Variants in MEI4 observed in about 807,000 individuals in gnomAD.
MEI4 encodes the protein meiosis-specific protein MEI4.
In MEI4, 27 loss-of-function variants were observed where a neutral mutation model predicts 31.4. The observed-to-expected ratio is 0.86, with a 90% confidence interval of 0.63 to 1.19. The LOEUF is 1.19. Ranked by LOEUF, MEI4 falls within the 50% of genes most tolerant of loss-of-function variation. The probability of loss-of-function intolerance (pLI) is 0.00; values close to 1 mark genes in which losing one functional copy is unlikely to be tolerated. For missense variants in MEI4, 329 were observed against 398.9 expected, an observed-to-expected ratio of 0.82 and a Z score of 1.49; for synonymous variants, 122 against 145.4, an observed-to-expected ratio of 0.84 and a Z score of 1.16.
intron 1 of MEI4, among the ~76,000 whole-genome samples, chr6:77,687,583 G>A (rs950280768): frequency 2.6e-5 from 4 of 152,124 alleles, no homozygotes; most frequent in East Asian, 1.9e-4. Flanking sequence ...TACTGGGCCC[G>A]TAGGTTACTT....
chr6:77,842,642 G>T (rs758630436), intron 4 of MEI4, among the ~76,000 whole-genome samples: 1 of 151,984 alleles, frequency 6.6e-6, no homozygotes, highest in Non-Finnish European at 1.5e-5. Context: ...TTGGTAATTT[G>T]TATCTTTCCC....
At chr6:77,858,776 T>C (rs1055231834) in intron 4 of MEI4, among the ~76,000 whole-genome samples, 1 of 151,638 alleles carries the variant, frequency 6.6e-6, no homozygotes, top group Non-Finnish European at 1.5e-5. Flanking sequence ...TTTTAATGAG[T>C]TTCTATACAG....
intron 4 of MEI4, among the ~76,000 whole-genome samples, chr6:77,881,757 A>AGT (rs1424868470): frequency 7.2e-5 from 11 of 152,230 alleles, no homozygotes; most frequent in African/African-American, 2.7e-4. Context: ...CTTAGACATC[A>AGT]AGGGGTAGCT....
intron 3 of MEI4, among the ~76,000 whole-genome samples, chr6:77,777,411 G>A (rs978295835): frequency 2.6e-5 from 4 of 152,136 alleles, no homozygotes; most frequent in Non-Finnish European, 4.4e-5. Context: ...ATGTGCTTTG[G>A]AAGCACTTAG....
rs1769200030 is a variant in MEI4 at position 77,799,935 on chromosome 6, T to A, written c.769-28996T>A. On this transcript the variant is annotated intron_variant, in intron 3 of 4. Coordinates refer to ENST00000684080, the MANE Select transcript of MEI4 (RefSeq NM_001322247.2). ...ATTTGAAGTCAGGTAGTGTGATGCC[T>A]CCAGCTCTGTTCTTTTGGCTTAGGA... Among the ~76,000 whole-genome samples, 4 of 152,320 alleles carry A rather than the reference T, an allele frequency of 2.6e-5. No individual in the cohort carries two copies. The South Asian group carries it at 8.3e-4, about 32-fold the overall frequency.
chr6:77,722,591 G>A (rs1343034751), intron 2 of MEI4, among the ~76,000 whole-genome samples: 4 of 146,852 alleles, frequency 2.7e-5, no homozygotes, highest in African/African-American at 7.6e-5. Context: ...TGACTCGTGG[G>A]GCTATATAAT....
chr6:77,741,820 C>T (rs1316148394), intron 2 of MEI4, among the ~76,000 whole-genome samples: 1 of 134,346 alleles, frequency 7.4e-6, no homozygotes, highest in Non-Finnish European at 1.5e-5. Flanking sequence ...CTTCCTGTGT[C>T]CATGTGTTCT....
intron 3 of MEI4, among the ~76,000 whole-genome samples, chr6:77,825,793 GTCTC>G (rs1333676392): frequency 6.6e-6 from 1 of 152,100 alleles, no homozygotes; most frequent in Non-Finnish European, 1.5e-5. Flanking sequence ...CACAGTATCT[GTCTC>G]TCTGGCTATT....
intron 1 of MEI4, among the ~76,000 whole-genome samples, chr6:77,657,957 CCATGTGGAGA>C (rs1768427917): frequency 6.6e-6 from 1 of 152,212 alleles, no homozygotes; most frequent in Non-Finnish European, 1.5e-5. Flanking sequence ...ATAGTCAGGT[CCATGTGGAGA>C]CACAGGATTT....
At chr6:77,816,213 C>T (rs946512873) in intron 3 of MEI4, among the ~76,000 whole-genome samples, 4 of 152,094 alleles carry the variant, frequency 2.6e-5, no homozygotes, top group East Asian at 1.9e-4. Context: ...ATACTGTCTA[C>T]TCAAATTATA....
intron 4 of MEI4, among the ~76,000 whole-genome samples, chr6:77,868,242 C>CAA (rs35228781): frequency 6.4e-4 from 94 of 146,702 alleles, no homozygotes; most frequent in African/African-American, 1.4e-3. Flanking sequence ...AAATTAAAAG[C>CAA]AAAAAAAAAT....
At chr6:77,742,699 C>T (rs1385843548) in intron 2 of MEI4, among the ~76,000 whole-genome samples, 1 of 152,140 alleles carries the variant, frequency 6.6e-6, no homozygotes, top group African/African-American at 2.4e-5. Context: ...CTTGCCCATG[C>T]CTGTGTCCTG....
intron 3 of MEI4, among the ~76,000 whole-genome samples, chr6:77,822,649 T>C (rs1195911392): frequency 7.1e-6 from 1 of 139,968 alleles, no homozygotes; most frequent in Non-Finnish European, 1.5e-5. Flanking sequence ...AGACAGAGTC[T>C]CACTATGTCA....
chr6:77,787,062 T>A lies in MEI4; in HGVS notation c.768+25397T>A, dbSNP rs142219436. Among the ~76,000 whole-genome samples, 511 of 152,240 alleles carry A rather than the reference T, an allele frequency of 3.4e-3. 2 individuals carry two copies. Among genetic ancestry groups the A allele is most frequent in the African/African-American group, 0.012 (498 of 41,560 alleles). On this transcript the variant is annotated intron_variant, in intron 3 of 4. Coordinates refer to ENST00000684080, the MANE Select transcript of MEI4 (RefSeq NM_001322247.2). The stretch of plus-strand genomic sequence containing the variant: ...TTTTGGCTCCAGCCCTTCTCAGATG[T>A]ACCCTGAGAGAAGTTCTGCTTACCC...
At chr6:77,756,752 G>C (rs1465577351) in intron 2 of MEI4, among the ~76,000 whole-genome samples, 1 of 151,354 alleles carries the variant, frequency 6.6e-6, no homozygotes, top group African/African-American at 2.4e-5. Flanking sequence ...AATTGTTGTG[G>C]TTTGGTATAA....
chr6:77,920,735 G>T (rs1284705517), intron 4 of MEI4, among the ~76,000 whole-genome samples: 1 of 151,870 alleles, frequency 6.6e-6, no homozygotes, highest in Non-Finnish European at 1.5e-5. Flanking sequence ...CTGCAAAATA[G>T]ATGTGTTTGT....
chr6:77,777,474 C>G (rs1157876016), intron 3 of MEI4, among the ~76,000 whole-genome samples: 1 of 152,020 alleles, frequency 6.6e-6, no homozygotes, highest in East Asian at 1.9e-4. Flanking sequence ...CTCCCACAAT[C>G]AGTAAAAGAC....
chr6:77,753,624 G>T (rs1767838580), intron 2 of MEI4, among the ~76,000 whole-genome samples: 1 of 152,202 alleles, frequency 6.6e-6, no homozygotes, highest in Non-Finnish European at 1.5e-5. Flanking sequence ...AGGATGTGGA[G>T]AAATAGGAAT....
At chr6:77,663,730 C>T (rs912632939) in intron 1 of MEI4, among the ~76,000 whole-genome samples, 13 of 152,150 alleles carry the variant, frequency 8.5e-5, no homozygotes, top group East Asian at 1.9e-4. Context: ...AAGAAGGGGA[C>T]GGGCTTACCT....
Sources: allele counts gnomAD v4.1 joint callset (sites outside exome capture counted in the v4.1 genomes callset), GRCh38; gene constraint gnomAD v4.1.1; transcripts MANE v1.5; gene names NCBI Gene and HGNC (gene_info 2026-07-23, HGNC 2026-07-21).